The following RNGTT variants were observed in gnomAD, a reference collection of about 807,000 sequenced individuals.
The protein encoded by RNGTT is mRNA-capping enzyme.
A neutral mutation model predicts 79.3 loss-of-function variants in RNGTT; 33 were observed. That is an observed-to-expected ratio of 0.42 (90% CI 0.32 to 0.56). The LOEUF (loss-of-function observed/expected upper bound fraction) is 0.56, where lower values mean the gene tolerates loss of function less well. RNGTT is among the 20% of genes least tolerant of loss of function. RNGTT has a pLI of 0.17. For synonymous variants in RNGTT, 222 were observed against 235.9 expected (o/e 0.94, Z 0.54); for missense variants, 497 against 739.1 (o/e 0.67, Z 3.80).
intron 14 of RNGTT, among the ~76,000 whole-genome samples, chr6:88,633,434 C>A (rs528897698): frequency 3.9e-5 from 6 of 152,128 alleles, no homozygotes; most frequent in Non-Finnish European, 8.8e-5. Flanking sequence ...GCCAGTTCTT[C>A]CACCAGGATC....
chr6:88,932,190 C>A (rs576572219), intron 2 of RNGTT, among the ~76,000 whole-genome samples: 1 of 152,148 alleles, frequency 6.6e-6, no homozygotes, highest in Admixed American at 6.5e-5. Flanking sequence ...TCTGCAGTTG[C>A]AGATAAGGGA....
intron 14 of RNGTT, among the ~76,000 whole-genome samples, chr6:88,622,702 T>C (rs111499210): frequency 5.3e-4 from 80 of 152,226 alleles, no homozygotes; most frequent in African/African-American, 1.8e-3. Context: ...GCAATCTTAT[T>C]TACCTCCATA....
chr6:88,674,278 T>TG lies in RNGTT; in HGVS notation c.1506+4074dup, dbSNP rs568651651. 6.0e-4 allele frequency among the ~76,000 whole-genome samples: 92 copies of TG among 152,334 alleles called. 3 individuals carry two copies. In the East Asian group the frequency reaches 0.012, roughly 20 times the overall value. On this transcript the variant is annotated intron_variant, in intron 14 of 15. Transcript: ENST00000369485. ...TTGATATTGTGGTGGCCAGGCATGG[T>TG]GGCTCACACCTGTAATCCCGGCACT...
chr6:88,910,067 T>A (rs1309430619), intron 4 of RNGTT, among the ~76,000 whole-genome samples: 1 of 152,100 alleles, frequency 6.6e-6, no homozygotes, highest in Non-Finnish European at 1.5e-5. Context: ...ACTCTGGCAA[T>A]TCAAAAAGTT....
At chr6:88,814,627 T>C (rs1780257871) in intron 11 of RNGTT, among the ~76,000 whole-genome samples, 1 of 152,158 alleles carries the variant, frequency 6.6e-6, no homozygotes, top group Non-Finnish European at 1.5e-5. Context: ...GTTTTGTGGA[T>C]AGAAAAGCAT....
intron 8 of RNGTT, among the ~76,000 whole-genome samples, chr6:88,868,076 CA>C (rs1447190248): frequency 1.3e-5 from 2 of 151,850 alleles, no homozygotes; most frequent in Non-Finnish European, 2.9e-5. Context: ...AACTATTCCT[CA>C]GAGTGTTCAT....
In RNGTT at chr6:88,713,879, T is replaced by A. The variant is rs114635872; in HGVS notation, c.1440-35460A>T. 8.3e-3 allele frequency among the ~76,000 whole-genome samples: 1,259 copies of A among 152,302 alleles called. 19 individuals are homozygous for A. The highest frequency in any genetic ancestry group is 0.029 in the African/African-American group (1,187 of 41,554). On this transcript the variant is annotated intron_variant, in intron 13 of 15. Transcript: ENST00000369485. ...ACCATGTCTATAACAAAATTCTAAT[T>A]GGATAATCTTTTCTTCCCCCTTGCT... is the stretch of plus-strand genomic sequence containing the variant.
At chr6:88,914,851 G>C (rs1291566727) in intron 4 of RNGTT, among the ~76,000 whole-genome samples, 1 of 152,114 alleles carries the variant, frequency 6.6e-6, no homozygotes, top group African/African-American at 2.4e-5. Flanking sequence ...TACAGAATGG[G>C]AGAAAATATT....
chr6:88,745,022 A>G (rs1381920205), intron 13 of RNGTT, among the ~76,000 whole-genome samples: 1 of 152,230 alleles, frequency 6.6e-6, no homozygotes, highest in African/African-American at 2.4e-5. Context: ...AAAAATTACC[A>G]TAAGGAACAC....
chr6:88,657,033 A>G (rs1562175093), intron 14 of RNGTT, among the ~76,000 whole-genome samples: 1 of 152,152 alleles, frequency 6.6e-6, no homozygotes, highest in Non-Finnish European at 1.5e-5. Context: ...ACTTATGTGT[A>G]TCTCCCACTT....
intron 8 of RNGTT, among the ~76,000 whole-genome samples, chr6:88,887,224 A>G (rs1361196495): frequency 6.6e-6 from 1 of 152,166 alleles, no homozygotes; most frequent in Non-Finnish European, 1.5e-5. Context: ...GAGATATAAT[A>G]AATTGCCATT....
At chr6:88,705,784 C>T (rs1453447822) in intron 13 of RNGTT, among the ~76,000 whole-genome samples, 1 of 152,074 alleles carries the variant, frequency 6.6e-6, no homozygotes, top group Non-Finnish European at 1.5e-5. Context: ...TGTGGTCAAA[C>T]TGAAATTTTC....
intron 12 of RNGTT, among the ~76,000 whole-genome samples, chr6:88,782,265 A>T (rs1056319290): frequency 6.6e-6 from 1 of 152,050 alleles, no homozygotes; most frequent in African/African-American, 2.4e-5. Flanking sequence ...GGATCACAAA[A>T]CAGAGTCATA....
chr6:88,928,682 T>C (rs1036274675), intron 4 of RNGTT, among the ~76,000 whole-genome samples: 1 of 152,162 alleles, frequency 6.6e-6, no homozygotes, highest in Non-Finnish European at 1.5e-5. Context: ...TTCAGAATAA[T>C]ATAGTATAAA....
chr6:88,959,560 C>A (rs962060237), intron 1 of RNGTT, among the ~76,000 whole-genome samples: 1 of 152,114 alleles, frequency 6.6e-6, no homozygotes, highest in Non-Finnish European at 1.5e-5. Flanking sequence ...ATTTTCCCTT[C>A]TTAATATCTC....
intron 14 of RNGTT, among the ~76,000 whole-genome samples, chr6:88,677,833 A>C (rs1774933225): frequency 6.6e-6 from 1 of 151,878 alleles, no homozygotes. Flanking sequence ...CTCTAAATGT[A>C]CTCTTCTAAA....
intron 13 of RNGTT, among the ~76,000 whole-genome samples, chr6:88,759,015 T>C (rs1778116013): frequency 6.6e-6 from 1 of 152,074 alleles, no homozygotes; most frequent in African/African-American, 2.4e-5. Flanking sequence ...AGCTGATCTT[T>C]ACTATGGTGG....
intron 6 of RNGTT, among the ~76,000 whole-genome samples, chr6:88,900,657 C>T (rs938017528): frequency 4.6e-5 from 7 of 151,184 alleles, no homozygotes; most frequent in Non-Finnish European, 1.0e-4. Context: ...TCGTCTGAAC[C>T]CAGGAGGCAG....
intron 6 of RNGTT, among the ~76,000 whole-genome samples, chr6:88,895,274 G>A (rs1055270304): frequency 2.2e-5 from 3 of 135,912 alleles, no homozygotes; most frequent in African/African-American, 8.2e-5. Flanking sequence ...TGTGTGTAAA[G>A]AGAAAATGTA....
Sources: allele counts gnomAD v4.1 joint callset (sites outside exome capture counted in the v4.1 genomes callset), GRCh38; gene constraint gnomAD v4.1.1; transcripts MANE v1.5; gene names NCBI Gene and HGNC (gene_info 2026-07-23, HGNC 2026-07-21).